CRTC1: variants seen among roughly 807,000 people sequenced by gnomAD.
The protein encoded by CRTC1 is CREB-regulated transcription coactivator 1.
A neutral mutation model predicts 66.1 loss-of-function variants in CRTC1; 18 were observed. The observed-to-expected ratio is 0.27, with a 90% CI of 0.19 to 0.40. The LOEUF is 0.40. Ranked by LOEUF, CRTC1 falls within the 10% of genes least tolerant of loss-of-function variation. The pLI is 1.00. For synonymous variants in CRTC1, 416 were observed against 398.8 expected (o/e 1.04, Z -0.51); for missense variants, 669 against 887.9 (o/e 0.75, Z 3.13).
In CRTC1 at chr19:18,779,774, A is replaced by T. The variant is rs1333426621; in HGVS notation, c.*2392A>T. On this transcript the variant is annotated 3_prime_UTR_variant, in exon 14 of 14. Transcript: ENST00000321949. ...CCAGATTCACAGTGACATTGTGTTAACGTGACGACCTTGGTCCATTATGGA... is the reference window on the plus strand; with the variant it reads ...CCAGATTCACAGTGACATTGTGTTATCGTGACGACCTTGGTCCATTATGGA... 4.5e-6 allele frequency: 1 copy of T among 223,232 alleles called. No individual in the cohort carries two copies. Among genetic ancestry groups the T allele is most frequent in the Non-Finnish European group, 8.9e-6 (1 of 111,936 alleles). 13.8% of individuals were successfully genotyped at this position (223,232 alleles called of 1,614,324 possible).
intron 2 of CRTC1, among the ~76,000 whole-genome samples, chr19:18,743,692 A>T (rs1213436957): frequency 1.3e-5 from 2 of 152,158 alleles, no homozygotes; most frequent in Non-Finnish European, 2.9e-5. Context: ...ATGGCCACTG[A>T]CAGGCCAGAT....
chr19:18,773,292 C>G (rs1004874851), intron 11 of CRTC1, among the ~76,000 whole-genome samples: 8 of 152,110 alleles, frequency 5.3e-5, no homozygotes, highest in African/African-American at 1.9e-4. Context: ...CCCACACCTG[C>G]TGTGTCCTGC....
At chr19:18,701,220 C>T (rs764522584) in intron 1 of CRTC1, among the ~76,000 whole-genome samples, 15 of 152,236 alleles carry the variant, frequency 9.9e-5, no homozygotes, top group Non-Finnish European at 1.5e-4. Flanking sequence ...CCCCAGAGCC[C>T]GGGGCTCATC....
At chr19:18,737,527 T>C (rs2054023454) in intron 1 of CRTC1, among the ~76,000 whole-genome samples, 1 of 152,104 alleles carries the variant, frequency 6.6e-6, no homozygotes, top group African/African-American at 2.4e-5. Context: ...GAGTGGCATG[T>C]ACTGGTACAC....
In CRTC1 at chr19:18,777,453, C is replaced by G; in HGVS notation, c.*71C>G. 7.2e-7 allele frequency: 1 copy of G among 1,380,434 alleles called. No individual in the cohort carries two copies. Among genetic ancestry groups the G allele is most frequent in the Non-Finnish European group, 1.0e-6 (1 of 983,018 alleles). The allele number at this position is 1,380,434 out of a possible 1,614,324, so 85.5% of individuals were successfully genotyped here. A position where few individuals can be genotyped will look rare whatever the true frequency, so the allele number is the denominator to read the frequency against. ...CCCCAGCCCGGGGACGGCCGTGCTC[C>G]GTCCCTCGCCAACGGCCGAGCTTGT... On this transcript the variant is annotated 3_prime_UTR_variant, in exon 14 of 14. Coordinates refer to ENST00000321949, the MANE Select transcript of CRTC1 (RefSeq NM_015321.3). This position sits in a 1 kb window ranked among gnomAD's most constrained non-coding sequence, Gnocchi z 5.5.
rs962569898 is a variant in CRTC1, at chr19:18,753,697, G to A, written c.624+112G>A. 5.7e-6 allele frequency: 4 copies of A among 696,428 alleles called. No homozygotes were observed. In the African/African-American group the frequency reaches 7.2e-5, roughly 13 times the overall value. 43.1% of individuals were successfully genotyped at this position (696,428 alleles called of 1,614,324 possible). A position where few individuals can be genotyped will look rare whatever the true frequency, so the allele number is the denominator to read the frequency against. Reference sequence around the variant, plus strand: ...GGGTGGCTTCACCTTCCCAAGACAGGGAACCTCACTCCGATTTTTCCATCT... The same window carrying A: ...GGGTGGCTTCACCTTCCCAAGACAGAGAACCTCACTCCGATTTTTCCATCT... On this transcript the variant is annotated intron_variant, in intron 6 of 13. Coordinates refer to ENST00000321949, the MANE Select transcript of CRTC1 (RefSeq NM_015321.3).
At chr19:18,725,518 C>T (rs1278639360) in intron 1 of CRTC1, among the ~76,000 whole-genome samples, 5 of 103,956 alleles carry the variant, frequency 4.8e-5, no homozygotes, top group East Asian at 5.8e-4. Context: ...TCCCCACACA[C>T]GGGCCCCTGG....
intron 1 of CRTC1, among the ~76,000 whole-genome samples, chr19:18,684,131 G>A (rs985591238): frequency 6.6e-6 from 1 of 151,966 alleles, no homozygotes; most frequent in African/African-American, 2.4e-5. Context: ...CTAGTACCTC[G>A]TCGTTACCTG....
In CRTC1 at chr19:18,710,160, C is replaced by T. The variant is rs566239183; in HGVS notation, c.126+26332C>T. Among the ~76,000 whole-genome samples the T allele has an allele frequency of 3.9e-5, 6 of 152,196 alleles. No homozygotes were observed. The South Asian group carries it at 8.3e-4, about 21-fold the overall frequency. ...CCAGCGTCACCTCCTTGGCCACCTT[C>T]CCCCCACCCCATTTCCAGCTTGTTT... On this transcript the variant is annotated intron_variant, in intron 1 of 13. Transcript: ENST00000321949.
rs2054715895 is a variant in CRTC1, at chr19:18,765,667, A to G, written c.1011+139A>G. The G allele has an allele frequency of 2.3e-6, 2 of 868,722 alleles. 1 individual carries two copies. The highest frequency in any genetic ancestry group is 3.3e-6 in the Non-Finnish European group (2 of 601,620). The allele number at this position is 868,722 out of a possible 1,614,324, so 53.8% of individuals were successfully genotyped here. A position where few individuals can be genotyped will look rare whatever the true frequency, so the allele number is the denominator to read the frequency against. On this transcript the variant is annotated intron_variant, in intron 9 of 13. Transcript: ENST00000321949. Reference sequence around the variant, plus strand: ...GCTCCCAACACTTTTAGTTTTTATTATCAAATTTTCAAGCCGGGTGCCGTA... The same window carrying G: ...GCTCCCAACACTTTTAGTTTTTATTGTCAAATTTTCAAGCCGGGTGCCGTA...
chr19:18,771,208 A>G lies in CRTC1; in HGVS notation c.1321-234A>G, dbSNP rs1003791948. On this transcript the variant is annotated intron_variant, in intron 10 of 13. Transcript: ENST00000321949. The surrounding 1 kb of genome is among the most constrained non-coding windows in gnomAD (Gnocchi z 4.6). ...GCTCCAAGAAGGAGGGCAGTTATTC[A>G]CCCTCCACGCCGTTCCTTCCTGGGT... Among the ~76,000 whole-genome samples the G allele has an allele frequency of 6.7e-6, 1 of 150,208 alleles. No individual in the cohort carries two copies.
chr19:18,692,156 C>G (rs1250020644), intron 1 of CRTC1, among the ~76,000 whole-genome samples: 1 of 151,280 alleles, frequency 6.6e-6, no homozygotes, highest in African/African-American at 2.4e-5. Context: ...AGCAAGGGCC[C>G]CTGCTACTAA....
At chr19:18,752,610 T>A (rs2054390659) in intron 5 of CRTC1, among the ~76,000 whole-genome samples, 1 of 151,418 alleles carries the variant, frequency 6.6e-6, no homozygotes, top group South Asian at 2.1e-4. Context: ...TGAGCCACTG[T>A]GTCCAGCCTT....
intron 2 of CRTC1, among the ~76,000 whole-genome samples, chr19:18,745,028 C>G (rs926909348): frequency 1.3e-4 from 20 of 152,186 alleles, no homozygotes; most frequent in African/African-American, 4.8e-4. Flanking sequence ...CTGGCAGAGC[C>G]TGCTGATCTC....
intron 1 of CRTC1, among the ~76,000 whole-genome samples, chr19:18,726,998 G>A (rs915348223): frequency 1.2e-4 from 18 of 151,248 alleles, no homozygotes; most frequent in Non-Finnish European, 2.9e-5. Context: ...TTTAATCCTA[G>A]CACTTTGGAA....
At chr19:18,759,385 C>T (rs1470446481) in intron 6 of CRTC1, among the ~76,000 whole-genome samples, 166 bp from the exon 7 acceptor site, 2 of 149,272 alleles carry the variant, frequency 1.3e-5, no homozygotes, top group African/African-American at 4.9e-5. Flanking sequence ...TGGGGCGGTG[C>T]CCCTGTCCTC....
intron 1 of CRTC1, among the ~76,000 whole-genome samples, chr19:18,692,994 G>C (rs1206327749): frequency 7.0e-6 from 1 of 143,192 alleles, no homozygotes; most frequent in Non-Finnish European, 1.5e-5. Flanking sequence ...AGAATCGCTT[G>C]AACCTGGGAG....
intron 6 of CRTC1, among the ~76,000 whole-genome samples, chr19:18,756,365 G>T (rs2054489092): frequency 6.9e-6 from 1 of 145,738 alleles, no homozygotes; most frequent in Non-Finnish European, 1.5e-5. Context: ...ACTCTAGGCT[G>T]GACGGACACA....
At chr19:18,718,881 T>G (rs2053563774) in intron 1 of CRTC1, among the ~76,000 whole-genome samples, 1 of 150,684 alleles carries the variant, frequency 6.6e-6, no homozygotes, top group African/African-American at 2.5e-5. Flanking sequence ...AGATTGGGGG[T>G]TTATTTTAAA....
Sources: gnomAD v4.1 joint callset for allele counts (sites outside exome capture counted in the v4.1 genomes callset) on GRCh38, gnomAD v4.1.1 for gene constraint, Gnocchi (gnomAD v3.1) non-coding constraint, MANE v1.5 for transcripts, NCBI Gene and HGNC (gene_info 2026-07-23, HGNC 2026-07-21) for gene names.